Variants in TYW1B observed in about 807,000 individuals in gnomAD.
TYW1B encodes S-adenosyl-L-methionine-dependent tRNA 4-demethylwyosine synthase TYW1B.
TYW1B carries 73 observed loss-of-function variants against 86.9 expected under a neutral mutation model. That is an observed-to-expected ratio of 0.84 (90% confidence interval 0.70 to 1.02). The LOEUF (loss-of-function observed/expected upper bound fraction) is 1.02. TYW1B is among the 50% of genes least tolerant of loss of function. The pLI, the probability that TYW1B is intolerant of heterozygous loss-of-function variation, is 0.00. For missense variants in TYW1B, 637 were observed against 827.4 expected (o/e 0.77, Z 2.82); for synonymous variants, 248 against 292.8 (o/e 0.85, Z 1.56).
chr7:72,719,524 G>A (rs1296302152), intron 9 of TYW1B, among the ~76,000 whole-genome samples: 3 of 151,118 alleles, frequency 2.0e-5, no homozygotes, highest in Admixed American at 6.6e-5. Flanking sequence ...CTAGCTATTC[G>A]GGAGGCTGAG....
At chr7:72,756,866 A>C (rs946036487) in intron 7 of TYW1B, among the ~76,000 whole-genome samples, 8 of 152,174 alleles carry the variant, frequency 5.3e-5, no homozygotes, top group Non-Finnish European at 2.9e-5. Flanking sequence ...ATATACAAAC[A>C]TCCAATTTGC....
At chr7:72,598,359 G>A (rs1276254135) in intron 13 of TYW1B, among the ~76,000 whole-genome samples, 1 of 151,944 alleles carries the variant, frequency 6.6e-6, no homozygotes, top group Non-Finnish European at 1.5e-5. Context: ...CCTTGTGATC[G>A]TGTAAGTTAG....
chr7:72,585,820 GTA>G (rs1294964992), intron 13 of TYW1B, among the ~76,000 whole-genome samples: 5 of 152,070 alleles, frequency 3.3e-5, no homozygotes, highest in African/African-American at 1.2e-4. Context: ...CCAATCTCAG[GTA>G]TGTCTTTATC....
intron 11 of TYW1B, among the ~76,000 whole-genome samples, chr7:72,678,470 T>C (rs1813787618): frequency 6.6e-6 from 1 of 151,986 alleles, no homozygotes; most frequent in Non-Finnish European, 1.5e-5. Context: ...ATGGGCAAGG[T>C]ATGGAAAGGC....
At chr7:72,668,037 C>T (rs527733630) in intron 11 of TYW1B, among the ~76,000 whole-genome samples, 9 of 152,336 alleles carry the variant, frequency 5.9e-5, no homozygotes, top group Admixed American at 4.6e-4. Flanking sequence ...GTCACCCTCC[C>T]ATGACACACA....
chr7:72,727,096 C>T (rs1257111591), intron 9 of TYW1B, among the ~76,000 whole-genome samples: 1 of 152,098 alleles, frequency 6.6e-6, no homozygotes, highest in African/African-American at 2.4e-5. Flanking sequence ...GATTACAATT[C>T]AAGATGAGAT....
At chr7:72,658,525 T>G (rs1813258639) in intron 11 of TYW1B, among the ~76,000 whole-genome samples, 1 of 152,160 alleles carries the variant, frequency 6.6e-6, no homozygotes, top group Non-Finnish European at 1.5e-5. Context: ...GGAATGAAAC[T>G]TAAGCGGGAA....
At chr7:72,767,501 T>C (rs1787791282) in intron 7 of TYW1B, among the ~76,000 whole-genome samples, 1 of 151,768 alleles carries the variant, frequency 6.6e-6, no homozygotes, top group Non-Finnish European at 1.5e-5. Context: ...TCCCAGCTAC[T>C]CAGGAGGCTG....
In TYW1B at chr7:72,766,732, G is replaced by C. The variant is rs564954538; in HGVS notation, c.964+10684C>G. Among the ~76,000 whole-genome samples the C allele has an allele frequency of 1.5e-4, 23 of 151,682 alleles. No homozygotes were observed. The South Asian group carries it at 3.8e-3, about 25-fold the overall frequency. On this transcript the variant is annotated intron_variant, in intron 7 of 13. Coordinates refer to ENST00000620995, the MANE Select transcript of TYW1B (RefSeq NM_001145440.3). Reference sequence around the variant, plus strand: ...ACTTGAGATCAAGAGTTCAAGACCAGCCTGGCCAACAAGGTGAAACCCTGT... The same window carrying C: ...ACTTGAGATCAAGAGTTCAAGACCACCCTGGCCAACAAGGTGAAACCCTGT...
chr7:72,760,905 C>CA (rs2129571692), intron 7 of TYW1B, among the ~76,000 whole-genome samples: 1 of 152,204 alleles, frequency 6.6e-6, no homozygotes, highest in Non-Finnish European at 1.5e-5. Flanking sequence ...ACTAAGTTAT[C>CA]ACTGTTGGTT....
At chr7:72,748,422 T>C (rs1417432166) in intron 7 of TYW1B, among the ~76,000 whole-genome samples, 2 of 151,854 alleles carry the variant, frequency 1.3e-5, no homozygotes, top group Admixed American at 6.6e-5. Flanking sequence ...GCTTTATTTC[T>C]GCCTTTGCAA....
chr7:72,592,440 T>C (rs1199438367), intron 13 of TYW1B, among the ~76,000 whole-genome samples: 6 of 152,310 alleles, frequency 3.9e-5, no homozygotes, highest in Admixed American at 3.9e-4. Context: ...AATGTTTCAC[T>C]GCAAAGAATC....
At chr7:72,600,751 A>G (rs782562417) in intron 13 of TYW1B, among the ~76,000 whole-genome samples, 2 of 152,174 alleles carry the variant, frequency 1.3e-5, no homozygotes, top group Non-Finnish European at 2.9e-5. Context: ...AGTCCCAGCT[A>G]CTTAGGAGAC....
intron 11 of TYW1B, among the ~76,000 whole-genome samples, chr7:72,653,340 C>T (rs1468793580): frequency 6.6e-6 from 1 of 152,214 alleles, no homozygotes; most frequent in Non-Finnish European, 1.5e-5. Context: ...GGCGCAGTGG[C>T]TCACGCCTGT....
intron 6 of TYW1B, among the ~76,000 whole-genome samples, chr7:72,793,150 C>A (rs1352928395): frequency 6.6e-6 from 1 of 151,486 alleles, no homozygotes; most frequent in African/African-American, 2.4e-5. Context: ...ATCAGCCCAG[C>A]CAACATGGCA....
chr7:72,685,254 A>C (rs1409585138), intron 11 of TYW1B, among the ~76,000 whole-genome samples: 2 of 152,336 alleles, frequency 1.3e-5, no homozygotes, highest in Non-Finnish European at 1.5e-5. Flanking sequence ...ACTAAAAAAA[A>C]ACAAGTGAAG....
chr7:72,640,521 T>TAA (rs1196198556), intron 11 of TYW1B, among the ~76,000 whole-genome samples: 6 of 144,292 alleles, frequency 4.2e-5, no homozygotes, highest in Non-Finnish European at 7.6e-5. Flanking sequence ...AGCACTGACC[T>TAA]AAAAAAAAAA....
At chr7:72,618,781 T>C (rs561172300) in intron 12 of TYW1B, among the ~76,000 whole-genome samples, 18 of 152,308 alleles carry the variant, frequency 1.2e-4, no homozygotes, top group African/African-American at 4.1e-4. Context: ...GCTGAAACTG[T>C]GCCCCACAGA....
chr7:72,645,568 G>A (rs1306653248), intron 11 of TYW1B, among the ~76,000 whole-genome samples: 2 of 152,122 alleles, frequency 1.3e-5, no homozygotes, highest in African/African-American at 2.4e-5. Flanking sequence ...GGAATAAATC[G>A]TGGCATACTC....
Sources: gnomAD v4.1 joint callset for allele counts (sites outside exome capture counted in the v4.1 genomes callset) on GRCh38, gnomAD v4.1.1 for gene constraint, MANE v1.5 for transcripts, NCBI Gene and HGNC (gene_info 2026-07-23, HGNC 2026-07-21) for gene names.